ARHGAP42: variants seen among roughly 807,000 people sequenced by gnomAD.
ARHGAP42 encodes the protein Rho GTPase activating protein 42.
ARHGAP42 carries 63 observed loss-of-function variants against 125.0 expected under a neutral mutation model. The observed-to-expected ratio is 0.50, with a 90% CI of 0.41 to 0.62. The LOEUF (loss-of-function observed/expected upper bound fraction) is 0.62, where lower values mean the gene tolerates loss of function less well. Ranked by LOEUF, ARHGAP42 falls within the 20% of genes least tolerant of loss-of-function variation. ARHGAP42 has a pLI of 0.00. For synonymous variants in ARHGAP42, 339 were observed against 351.0 expected (o/e 0.97, Z 0.38); for missense variants, 766 against 1,024.2 (o/e 0.75, Z 3.44).
intron 1 of ARHGAP42, among the ~76,000 whole-genome samples, chr11:100,689,021 AAC>A (rs1415554127): frequency 6.6e-6 from 1 of 152,222 alleles, no homozygotes; most frequent in Non-Finnish European, 1.5e-5. Flanking sequence ...AACATGTATT[AAC>A]AGTAAGGAGA....
intron 2 of ARHGAP42, among the ~76,000 whole-genome samples, chr11:100,771,415 T>A (rs528316653): frequency 2.2e-4 from 33 of 152,336 alleles, no homozygotes; most frequent in Non-Finnish European, 4.1e-4. Context: ...CTTATAGATG[T>A]GTGGTCCCTT....
chr11:100,868,065 T>C (rs1455378042), intron 4 of ARHGAP42, among the ~76,000 whole-genome samples: 1 of 152,206 alleles, frequency 6.6e-6, no homozygotes. Context: ...AGATCACTGA[T>C]TGCAGATCAC....
intron 4 of ARHGAP42, among the ~76,000 whole-genome samples, chr11:100,912,234 C>T (rs1422163534): frequency 1.3e-5 from 2 of 152,102 alleles, no homozygotes; most frequent in African/African-American, 2.4e-5. Flanking sequence ...TCAAAAACTG[C>T]AATTACTTCT....
rs576615560 is a variant in ARHGAP42 at position 100,923,082 on chromosome 11, C to T, written c.597+1478C>T. On this transcript the variant is annotated intron_variant, in intron 6 of 23. Coordinates refer to ENST00000298815, the MANE Select transcript of ARHGAP42 (RefSeq NM_152432.4). The stretch of plus-strand genomic sequence containing the variant: ...ACCTAGAGAATGTTCTGAAGCTCAT[C>T]TGGGGCTCATGGACAACTAGCCAGC... Among the ~76,000 whole-genome samples the T allele has an allele frequency of 2.0e-5, 3 of 152,286 alleles. No homozygotes were observed. In the East Asian group the frequency reaches 5.8e-4, roughly 29 times the overall value.
intron 14 of ARHGAP42, among the ~76,000 whole-genome samples, 187 bp from the exon 15 acceptor site, chr11:100,961,497 T>C (rs940446543): frequency 2.6e-5 from 4 of 152,190 alleles, no homozygotes; most frequent in Non-Finnish European, 4.4e-5. Flanking sequence ...TCATAAGATA[T>C]ATCTTTGAGG....
At chr11:100,778,596 C>T (rs1197615843) in intron 2 of ARHGAP42, among the ~76,000 whole-genome samples, 1 of 151,452 alleles carries the variant, frequency 6.6e-6, no homozygotes, top group African/African-American at 2.4e-5. Context: ...TTTTTGTACC[C>T]ACACAGAAAC....
chr11:100,909,132 G>A (rs1484874442), intron 4 of ARHGAP42, among the ~76,000 whole-genome samples: 1 of 152,108 alleles, frequency 6.6e-6, no homozygotes, highest in East Asian at 1.9e-4. Context: ...ATGGATATTA[G>A]CCCTTTGTTG....
intron 4 of ARHGAP42, among the ~76,000 whole-genome samples, chr11:100,902,415 A>G (rs968928385): frequency 6.0e-4 from 92 of 152,204 alleles, no homozygotes; most frequent in African/African-American, 2.2e-3. Context: ...TATTGATAGG[A>G]AAATATACAA....
At position 100,790,474 on chromosome 11, in the gene ARHGAP42, T is replaced by C. The variant is rs537991899; in HGVS notation, c.251-4631T>C. Among the ~76,000 whole-genome samples, 6 of 152,340 alleles carry C rather than the reference T, an allele frequency of 3.9e-5. No homozygotes were observed. The South Asian group carries it at 1.2e-3, about 32-fold the overall frequency. On this transcript the variant is annotated intron_variant, in intron 2 of 23. Transcript: ENST00000298815. ...TATATATGAAACTATATTTTGATTGTTCTTTAGTAATCTCATGCTCCAGTT... is the reference window on the plus strand; with the variant it reads ...TATATATGAAACTATATTTTGATTGCTCTTTAGTAATCTCATGCTCCAGTT...
At chr11:100,814,957 AT>A (rs1864231255) in intron 3 of ARHGAP42, among the ~76,000 whole-genome samples, 1 of 152,192 alleles carries the variant, frequency 6.6e-6, no homozygotes, top group African/African-American at 2.4e-5. Context: ...AATCTTGTTC[AT>A]TCTTCAGGCC....
intron 1 of ARHGAP42, among the ~76,000 whole-genome samples, chr11:100,729,957 C>G (rs955320456): frequency 6.6e-6 from 1 of 151,696 alleles, no homozygotes; most frequent in Non-Finnish European, 1.5e-5. Context: ...ATTACAGGCA[C>G]CCACCACCAC....
chr11:100,872,066 C>T (rs1240648380), intron 4 of ARHGAP42, among the ~76,000 whole-genome samples: 2 of 152,162 alleles, frequency 1.3e-5, no homozygotes, highest in Non-Finnish European at 2.9e-5. Context: ...CTTAATATAA[C>T]ATTGTTCCTA....
chr11:100,749,377 A>G (rs543704102), intron 1 of ARHGAP42, among the ~76,000 whole-genome samples: 1 of 144,040 alleles, frequency 6.9e-6, no homozygotes, highest in African/African-American at 2.6e-5. Context: ...CCCTCAAACC[A>G]GGGATGTCTC....
intron 1 of ARHGAP42, among the ~76,000 whole-genome samples, chr11:100,768,975 C>T (rs1862903145): frequency 1.3e-5 from 2 of 152,102 alleles, no homozygotes; most frequent in African/African-American, 2.4e-5. Context: ...TTACACAAGC[C>T]TAGATGGTAT....
chr11:100,903,115 G>GCACACACA lies in ARHGAP42; in HGVS notation c.385-10336_385-10335insACACACAC, dbSNP rs1480178280. On this transcript the variant is annotated intron_variant, in intron 4 of 23. Transcript: ENST00000298815. ...ATTCCTCAATCTTGCTGTCCAAGAT[G>GCACACACA]CGCACACACACACACACACACACAC... Among the ~76,000 whole-genome samples, 13 of 13,702 alleles carry GCACACACA rather than the reference G, an allele frequency of 9.5e-4. 1 individual carries two copies. The highest frequency in any genetic ancestry group is 2.3e-3 in the Admixed American group (3 of 1,330). 9.0% of individuals were successfully genotyped at this position (13,702 alleles called of 152,430 possible).
At chr11:100,781,292 T>G (rs1190911064) in intron 2 of ARHGAP42, among the ~76,000 whole-genome samples, 1 of 152,128 alleles carries the variant, frequency 6.6e-6, no homozygotes, top group African/African-American at 2.4e-5. Flanking sequence ...ACTGTTTTTT[T>G]TTTTCTGAAT....
chr11:100,869,100 T>C (rs564163122), intron 4 of ARHGAP42, among the ~76,000 whole-genome samples: 1 of 152,110 alleles, frequency 6.6e-6, no homozygotes, highest in South Asian at 2.1e-4. Context: ...CAACAACAAA[T>C]CTGTGTTGGT....
At chr11:100,941,239 A>C (rs1867876494) in intron 8 of ARHGAP42, among the ~76,000 whole-genome samples, 1 of 152,184 alleles carries the variant, frequency 6.6e-6, no homozygotes, top group African/African-American at 2.4e-5. Flanking sequence ...ACAAGGCAGA[A>C]AGCAGTGGGA....
At chr11:100,971,218 G>A (rs186194525) in intron 17 of ARHGAP42, among the ~76,000 whole-genome samples, 2 of 151,812 alleles carry the variant, frequency 1.3e-5, no homozygotes, top group African/African-American at 4.8e-5. Flanking sequence ...ACTGTTTTTG[G>A]TTATGGTTTT....
Sources: gnomAD v4.1 joint callset for allele counts (sites outside exome capture counted in the v4.1 genomes callset) on GRCh38, gnomAD v4.1.1 for gene constraint, MANE v1.5 for transcripts, NCBI Gene and HGNC (gene_info 2026-07-23, HGNC 2026-07-21) for gene names.